The following GIN1 variants were observed in gnomAD, a reference collection of about 807,000 sequenced individuals.
The protein encoded by GIN1 is gypsy retrotransposon integrase 1, also known as gypsy retrotransposon integrase-like protein 1.
In GIN1, 41 loss-of-function variants were observed where a neutral mutation model predicts 51.4. The ratio of observed to expected loss-of-function variants is 0.80; its 90% CI spans 0.62 to 1.04. GIN1 has a LOEUF of 1.04. Among genes scored for constraint, GIN1 ranks in the 50% least tolerant of loss-of-function variants. The pLI, the probability that GIN1 is intolerant of heterozygous loss-of-function variation, is 0.00. For missense variants in GIN1, 610 were observed against 612.4 expected, an observed-to-expected ratio of 1.00 and a Z score of 0.04; for synonymous variants, 222 against 206.5, an observed-to-expected ratio of 1.07 and a Z score of -0.64.
At position 103,113,521 on chromosome 5, in the gene GIN1, CTTTTTTT is replaced by C. The variant is rs368036001; in HGVS notation, c.-7-4814_-7-4808del. Among the ~76,000 whole-genome samples the C allele has an allele frequency of 2.3e-5, 3 of 132,522 alleles. No individual in the cohort carries two copies. In the Admixed American group the frequency reaches 2.3e-4, roughly 10 times the overall value. 86.9% of individuals were successfully genotyped at this position (132,522 alleles called of 152,430 possible). On this transcript the variant is annotated intron_variant, in intron 1 of 7. Transcript: ENST00000399004. Reference sequence around the variant, plus strand: ...AAGTCACCTCCTCAAAGTTCCACCTCTTTTTTTTTTTTTTTTTTGAGACAGAGTTGCG... The same window carrying C: ...AAGTCACCTCCTCAAAGTTCCACCTCTTTTTTTTTTTGAGACAGAGTTGCG...
chr5:103,092,547 G>A (rs532079106), intron 7 of GIN1, among the ~76,000 whole-genome samples: 28 of 152,218 alleles, frequency 1.8e-4, no homozygotes, highest in Admixed American at 1.3e-3. Context: ...TGCCATACTA[G>A]TATATCCTTT....
rs1292846339 is a variant in GIN1 at position 103,097,195 on chromosome 5, A to G, written c.1008+119T>C. 6 of 663,464 alleles carry G rather than the reference A, an allele frequency of 9.0e-6. No homozygotes were observed. In the African/African-American group the frequency reaches 9.3e-5, roughly 10 times the overall value. 41.1% of individuals were successfully genotyped at this position (663,464 alleles called of 1,614,324 possible). On this transcript the variant is annotated intron_variant, in intron 6 of 7. Coordinates refer to ENST00000399004, the MANE Select transcript of GIN1 (RefSeq NM_017676.2). ...ACAAGAAAAATCTGATAGATAAAAA[A>G]TTATGGCAAGTAAGTATGTGTGTGT...
rs372949713 is a variant in GIN1 at position 103,104,676 on chromosome 5, G to A, written c.504C>T (p.Phe168=). ...GAGGCAAAATCACAATCCATTTGGT[G>A]AACAAATCTGTCATGATTATAGCAT... ...HVYAIIMTDL[F]TKWIVILPLC... Residue 168 remains phenylalanine (F), a synonymous_variant, in exon 4 of 8, where the codon TTC becomes TTT. Coordinates refer to ENST00000399004, the MANE Select transcript of GIN1 (RefSeq NM_017676.2). 3.7e-6 allele frequency: 6 copies of A among 1,612,002 alleles called. No homozygotes were observed. The East Asian group carries it at 8.9e-5, about 24-fold the overall frequency.
At chr5:103,107,098 A>G (rs1430779288) in intron 2 of GIN1, among the ~76,000 whole-genome samples, 189 bp from the exon 3 acceptor site, 1 of 152,068 alleles carries the variant, frequency 6.6e-6, no homozygotes, top group Non-Finnish European at 1.5e-5. Flanking sequence ...TACACTTACT[A>G]GATACTTAGG....
chr5:103,106,218 C>T (rs1787719916), intron 3 of GIN1, among the ~76,000 whole-genome samples: 1 of 152,086 alleles, frequency 6.6e-6, no homozygotes, highest in Non-Finnish European at 1.5e-5. Context: ...AGTTACAAAA[C>T]TCAGACTTAT....
chr5:103,087,969 G>T lies in GIN1; in HGVS notation c.1498C>A (p.His500Asn), dbSNP rs782524982. The T allele has an allele frequency of 2.5e-6, 4 of 1,596,100 alleles. No homozygotes were observed. The highest frequency in any genetic ancestry group is 1.7e-5 in the Admixed American group (1 of 59,808). The change falls in exon 8 of 8, where the codon CAT becomes AAT. Residue 500 changes from histidine to asparagine, a missense_variant. Coordinates refer to ENST00000399004, the MANE Select transcript of GIN1 (RefSeq NM_017676.2). ...AAAGTCTGCTTTTCAAGAGAACTAT[G>T]ATCGTCTATCAATGGAGAGATTTTC... is the stretch of plus-strand genomic sequence containing the variant. ...NTKISPLIDD[H>N]SSLEKQTFSL...
intron 4 of GIN1, chr5:103,102,144 T>G (rs937704205): frequency 6.6e-6 from 1 of 152,244 alleles, no homozygotes. Context: ...TATTTTTTTC[T>G]GTTTCTACTT....
rs1787110717 is a variant in GIN1 at position 103,087,589 on chromosome 5, G to A, written c.*309C>T. On this transcript the variant is annotated 3_prime_UTR_variant, in exon 8 of 8. Coordinates refer to ENST00000399004, the MANE Select transcript of GIN1 (RefSeq NM_017676.2). Reference sequence around the variant, plus strand: ...AGAAAATTTAAAACTTAGAAACGGTGCCAAAACCATACAAAGGTTTGAGAG... The same window carrying A: ...AGAAAATTTAAAACTTAGAAACGGTACCAAAACCATACAAAGGTTTGAGAG... 1 of 182,544 alleles carries A rather than the reference G, an allele frequency of 5.5e-6. No individual in the cohort carries two copies. Among genetic ancestry groups the A allele is most frequent in the East Asian group, 1.4e-4 (1 of 7,308 alleles). 11.3% of individuals were successfully genotyped at this position (182,544 alleles called of 1,614,324 possible). A position where few individuals can be genotyped will look rare whatever the true frequency, so the allele number is the denominator to read the frequency against.
intron 3 of GIN1, among the ~76,000 whole-genome samples, chr5:103,105,153 G>A (rs558109006): frequency 7.2e-5 from 11 of 152,094 alleles, no homozygotes; most frequent in Non-Finnish European, 1.2e-4. Flanking sequence ...TCTATTGATA[G>A]GGAGGGATGA....
At chr5:103,111,724 G>GT (rs1429015908) in intron 1 of GIN1, among the ~76,000 whole-genome samples, 1 of 152,112 alleles carries the variant, frequency 6.6e-6, no homozygotes, top group East Asian at 1.9e-4. Flanking sequence ...GAAAAAAAAT[G>GT]TGAGTCTGCA....
intron 1 of GIN1, among the ~76,000 whole-genome samples, chr5:103,113,701 T>C (rs1787946983): frequency 1.3e-5 from 2 of 152,192 alleles, no homozygotes; most frequent in Middle Eastern, 3.4e-3. Context: ...TTTATATTTT[T>C]AGTAGAGATG....
chr5:103,105,065 C>G (rs1270391417), intron 3 of GIN1, among the ~76,000 whole-genome samples: 2 of 151,486 alleles, frequency 1.3e-5, no homozygotes, highest in African/African-American at 4.8e-5. Context: ...AGCTGACCCT[C>G]AAACAACATG....
chr5:103,109,453 T>G (rs1425342037), intron 1 of GIN1, among the ~76,000 whole-genome samples: 1 of 152,142 alleles, frequency 6.6e-6, no homozygotes, highest in Non-Finnish European at 1.5e-5. Flanking sequence ...AGACTGTGCC[T>G]ATTGTCATGG....
At chr5:103,116,533 C>G (rs549873104) in intron 1 of GIN1, among the ~76,000 whole-genome samples, 4 of 152,096 alleles carry the variant, frequency 2.6e-5, no homozygotes, top group Non-Finnish European at 5.9e-5. Context: ...TCGAAGACAA[C>G]AACAAAAATC....
intron 5 of GIN1, 28 bp downstream of exon 5, chr5:103,097,562 A>T: frequency 2.0e-6 from 3 of 1,519,232 alleles, no homozygotes; most frequent in Non-Finnish European, 2.7e-6. Flanking sequence ...CATAACTCAG[A>T]AGTACAGAAT....
intron 1 of GIN1, among the ~76,000 whole-genome samples, chr5:103,113,812 G>A (rs1305152208): frequency 6.6e-5 from 10 of 152,112 alleles, no homozygotes; most frequent in Non-Finnish European, 8.8e-5. Flanking sequence ...GTGAGCCACC[G>A]CGCCCAGCCC....
chr5:103,106,228 T>A (rs1331319120), intron 3 of GIN1, among the ~76,000 whole-genome samples: 1 of 152,134 alleles, frequency 6.6e-6, no homozygotes, highest in African/African-American at 2.4e-5. Flanking sequence ...CTCAGACTTA[T>A]TTCATTATCC....
Position 103,097,369 on chromosome 5 carries a change from T to A in GIN1, c.953A>T (p.Asp318Val). Reference protein sequence around the residue: ...DNTSMFAKILDAIKEADKIME... With the variant: ...DNTSMFAKILVAIKEADKIME... ...TATTTTATCAGCTTCTTTAATTGCATCTAGAATTTTGGCAAACATACTTGT... is the reference window on the plus strand; with the variant it reads ...TATTTTATCAGCTTCTTTAATTGCAACTAGAATTTTGGCAAACATACTTGT... The change falls in exon 6 of 8, where the codon GAT (aspartate) becomes GTT (valine). Residue 318 changes from aspartate (D) to valine (V), a missense_variant. By Grantham distance (152) the Asp-to-Val change is radical. Coordinates refer to ENST00000399004, the MANE Select transcript of GIN1 (RefSeq NM_017676.2). The A allele has an allele frequency of 6.3e-7, 1 of 1,599,854 alleles. No homozygotes were observed. Among genetic ancestry groups the A allele is most frequent in the East Asian group, 2.2e-5 (1 of 44,762 alleles).
At chr5:103,115,397 G>A (rs1402386914) in intron 1 of GIN1, among the ~76,000 whole-genome samples, 1 of 152,118 alleles carries the variant, frequency 6.6e-6, no homozygotes, top group Non-Finnish European at 1.5e-5. Flanking sequence ...AGGACATTAA[G>A]CTTAGTGAAA....
Sources: gnomAD v4.1 joint callset for allele counts (sites outside exome capture counted in the v4.1 genomes callset) on GRCh38, gnomAD v4.1.1 for gene constraint, MANE v1.5 for transcripts, NCBI Gene and HGNC (gene_info 2026-07-23, HGNC 2026-07-21) for gene names.